GTF2F2: variants seen among roughly 807,000 people sequenced by gnomAD.
GTF2F2 encodes ATP-dependent helicase GTF2F2.
In GTF2F2, 23 loss-of-function variants were observed where a neutral mutation model predicts 42.2. The ratio of observed to expected loss-of-function variants is 0.55; its 90% confidence interval spans 0.39 to 0.77. The LOEUF is 0.77. GTF2F2 is among the 30% of genes least tolerant of loss of function. The pLI is 0.00. For synonymous variants in GTF2F2, 105 were observed against 100.8 expected (o/e 1.04, Z -0.25); for missense variants, 261 against 287.2 (o/e 0.91, Z 0.66).
chr13:45,194,520 C>G, intron 4 of GTF2F2: 1 of 1,613,900 alleles, frequency 6.2e-7, no homozygotes, highest in Non-Finnish European at 8.5e-7. Context: ...TGTTGTGTTT[C>G]CCTTCATACT....
chr13:45,196,356 G>C (rs746237715), intron 4 of GTF2F2, among the ~76,000 whole-genome samples: 6 of 152,156 alleles, frequency 3.9e-5, no homozygotes, highest in Non-Finnish European at 8.8e-5. Context: ...TACTCCTGCA[G>C]CACTTAATAA....
At chr13:45,253,477 T>C (rs1390677333) in intron 6 of GTF2F2, among the ~76,000 whole-genome samples, 1 of 152,208 alleles carries the variant, frequency 6.6e-6, no homozygotes, top group South Asian at 2.1e-4. Context: ...CATACTACCA[T>C]GCAAAGTGAG....
chr13:45,257,884 A>C (rs1321733512), intron 6 of GTF2F2, among the ~76,000 whole-genome samples: 2 of 152,158 alleles, frequency 1.3e-5, no homozygotes, highest in East Asian at 3.9e-4. Flanking sequence ...ATTTGCTTTC[A>C]GCTTTTTAGC....
intron 4 of GTF2F2, among the ~76,000 whole-genome samples, chr13:45,176,897 T>C (rs564138002): frequency 6.6e-6 from 1 of 152,226 alleles, no homozygotes; most frequent in Admixed American, 6.5e-5. Flanking sequence ...GCGATTCTAC[T>C]GCCTCAGCCT....
intron 4 of GTF2F2, among the ~76,000 whole-genome samples, chr13:45,176,804 TG>T (rs913002044): frequency 3.0e-4 from 46 of 152,008 alleles, no homozygotes; most frequent in Non-Finnish European, 4.0e-4. Flanking sequence ...TCTTTTTTTT[TG>T]GGGGGGACGG....
chr13:45,234,543 G>A (rs549501323), intron 5 of GTF2F2, among the ~76,000 whole-genome samples: 1 of 152,142 alleles, frequency 6.6e-6, no homozygotes, highest in South Asian at 2.1e-4. Context: ...TTTTTATAAT[G>A]CCTTTTTCCT....
intron 4 of GTF2F2, among the ~76,000 whole-genome samples, chr13:45,183,864 T>A (rs1872281316): frequency 6.6e-6 from 1 of 152,032 alleles, no homozygotes; most frequent in Non-Finnish European, 1.5e-5. Flanking sequence ...TTTCTTTTTT[T>A]TTCTTTTTTG....
intron 2 of GTF2F2, among the ~76,000 whole-genome samples, chr13:45,148,172 G>A (rs1230976932): frequency 6.6e-6 from 1 of 152,164 alleles, no homozygotes; most frequent in Non-Finnish European, 1.5e-5. Flanking sequence ...ACGTTATGGA[G>A]AAACAGTGGT....
intron 1 of GTF2F2, among the ~76,000 whole-genome samples, chr13:45,131,309 G>A (rs1233000681): frequency 1.3e-5 from 2 of 152,052 alleles, no homozygotes; most frequent in Non-Finnish European, 2.9e-5. Context: ...ATCTAGATGT[G>A]GAGACCAAAA....
At chr13:45,255,321 A>G (rs1294302330) in intron 6 of GTF2F2, among the ~76,000 whole-genome samples, 1 of 152,190 alleles carries the variant, frequency 6.6e-6, no homozygotes, top group Non-Finnish European at 1.5e-5. Context: ...GATATCTTAA[A>G]TGAGTGGAAC....
rs566340918 is a variant in GTF2F2 at position 45,243,564 on chromosome 13, T to G, written c.387-9307T>G. On this transcript the variant is annotated intron_variant, in intron 5 of 7. Transcript: ENST00000340473. ...TGGGACCGATATGTTAAATCATCTC[T>G]TGATTACTTTACAATACCTAACACA... 3.9e-5 allele frequency among the ~76,000 whole-genome samples: 6 copies of G among 152,370 alleles called. No individual in the cohort carries two copies. The East Asian group carries it at 9.6e-4, about 24-fold the overall frequency.
chr13:45,133,508 G>GT (rs1869466481), intron 1 of GTF2F2, among the ~76,000 whole-genome samples: 1 of 151,892 alleles, frequency 6.6e-6, no homozygotes, highest in Admixed American at 6.6e-5. Flanking sequence ...ATTTTCATTT[G>GT]TTTTATGGTA....
intron 5 of GTF2F2, among the ~76,000 whole-genome samples, chr13:45,226,876 G>A (rs1180299061): frequency 6.6e-6 from 1 of 152,138 alleles, no homozygotes; most frequent in Non-Finnish European, 1.5e-5. Context: ...TATTGTAAAT[G>A]TGTTTCTTTA....
chr13:45,238,953 AAAAAAAAGG>A (rs1055429166), intron 5 of GTF2F2, among the ~76,000 whole-genome samples: 3 of 151,980 alleles, frequency 2.0e-5, no homozygotes, highest in African/African-American at 4.8e-5. Flanking sequence ...TCGAAAAAAA[AAAAAAAAGG>A]AAAAAAAGGA....
At chr13:45,153,284 C>CT (rs1452385056) in intron 4 of GTF2F2, among the ~76,000 whole-genome samples, 3 of 151,956 alleles carry the variant, frequency 2.0e-5, no homozygotes, top group Non-Finnish European at 2.9e-5. Flanking sequence ...TCCCGGAGTG[C>CT]TGGGATTACA....
At chr13:45,179,621 G>A (rs1012270813) in intron 4 of GTF2F2, among the ~76,000 whole-genome samples, 4 of 152,150 alleles carry the variant, frequency 2.6e-5, no homozygotes, top group African/African-American at 7.2e-5. Flanking sequence ...TGTCCCTCAT[G>A]CCTTGGGAGG....
At chr13:45,137,248 T>C (rs749177413) in intron 2 of GTF2F2, among the ~76,000 whole-genome samples, 1 of 152,184 alleles carries the variant, frequency 6.6e-6, no homozygotes. Context: ...GAAAACAGTG[T>C]AACAATATAG....
chr13:45,209,322 C>T (rs990926496), intron 5 of GTF2F2, among the ~76,000 whole-genome samples: 2 of 152,130 alleles, frequency 1.3e-5, no homozygotes, highest in African/African-American at 2.4e-5. Context: ...GCAGAGTATA[C>T]CATCTAGGTT....
chr13:45,251,417 G>T (rs1390480752), intron 5 of GTF2F2, among the ~76,000 whole-genome samples: 1 of 151,818 alleles, frequency 6.6e-6, no homozygotes, highest in South Asian at 2.1e-4. Flanking sequence ...GCATTTTTGT[G>T]GTTTTCAAAT....
Sources: gnomAD v4.1 joint callset for allele counts (sites outside exome capture counted in the v4.1 genomes callset) on GRCh38, gnomAD v4.1.1 for gene constraint, MANE v1.5 for transcripts, NCBI Gene and HGNC (gene_info 2026-07-23, HGNC 2026-07-21) for gene names.